BBX: variants seen among roughly 807,000 people sequenced by gnomAD.
BBX encodes the protein BBX high mobility group box domain containing, also known as HMG box transcription factor BBX.
BBX carries 30 observed loss-of-function variants against 100.2 expected under a neutral mutation model. That is an observed-to-expected ratio of 0.30 (90% CI 0.22 to 0.41). The LOEUF (loss-of-function observed/expected upper bound fraction) is 0.41. Among genes scored for constraint, BBX ranks in the 10% least tolerant of loss-of-function variants. The pLI, the probability that BBX is intolerant of heterozygous loss-of-function variation, is 1.00. For missense variants in BBX, 1,023 were observed against 1,129.8 expected, an observed-to-expected ratio of 0.91 and a Z score of 1.35; for synonymous variants, 376 against 388.1, an observed-to-expected ratio of 0.97 and a Z score of 0.37.
chr3:107,609,093 C>G (rs981408418), intron 2 of BBX, among the ~76,000 whole-genome samples: 4 of 152,052 alleles, frequency 2.6e-5, no homozygotes, highest in African/African-American at 9.7e-5. Context: ...TTCCAGTACT[C>G]TTAACGGTGG....
intron 2 of BBX, among the ~76,000 whole-genome samples, chr3:107,547,640 G>A (rs1008232699): frequency 3.9e-5 from 6 of 151,988 alleles, no homozygotes; most frequent in South Asian, 2.1e-4. Context: ...TGGTGTACCC[G>A]GCACTCTTCT....
At chr3:107,661,388 CACATT>C (rs936029295) in intron 3 of BBX, among the ~76,000 whole-genome samples, 1 of 152,116 alleles carries the variant, frequency 6.6e-6, no homozygotes, top group African/African-American at 2.4e-5. Flanking sequence ...TTGGGCAAGT[CACATT>C]ACCTCTCTGA....
At chr3:107,696,777 A>T (rs1415387719) in intron 3 of BBX, among the ~76,000 whole-genome samples, 25 of 151,316 alleles carry the variant, frequency 1.7e-4, no homozygotes, top group African/African-American at 4.9e-4. Context: ...CTCCTGGATA[A>T]TATCCTGCAG....
chr3:107,627,268 T>G (rs2056247970), intron 2 of BBX, among the ~76,000 whole-genome samples: 1 of 152,202 alleles, frequency 6.6e-6, no homozygotes, highest in Non-Finnish European at 1.5e-5. Flanking sequence ...GTTTGATTAG[T>G]GTGTTTCCTA....
At chr3:107,584,710 A>C in intron 2 of BBX, among the ~76,000 whole-genome samples, 1 of 64,170 alleles carries the variant, frequency 1.6e-5, no homozygotes, top group Non-Finnish European at 2.7e-5. Context: ...TTTTTTTTTG[A>C]GGTGGAGTCT....
chr3:107,756,919 A>G (rs1411099012), intron 10 of BBX, among the ~76,000 whole-genome samples: 1 of 152,222 alleles, frequency 6.6e-6, no homozygotes, highest in African/African-American at 2.4e-5. Flanking sequence ...TTAGAGTTAG[A>G]GTTGTAAACA....
At chr3:107,597,357 A>G (rs1040389325) in intron 2 of BBX, among the ~76,000 whole-genome samples, 1 of 152,194 alleles carries the variant, frequency 6.6e-6, no homozygotes, top group Non-Finnish European at 1.5e-5. Context: ...TTGTTTTTAA[A>G]AAGTATCATT....
At chr3:107,691,512 TATTAA>T (rs951470754) in intron 3 of BBX, among the ~76,000 whole-genome samples, 3 of 152,200 alleles carry the variant, frequency 2.0e-5, no homozygotes, top group Non-Finnish European at 4.4e-5. Flanking sequence ...GTATCATATA[TATTAA>T]ATCAGGAAAA....
intron 2 of BBX, among the ~76,000 whole-genome samples, chr3:107,632,663 C>T (rs965056908): frequency 1.3e-5 from 2 of 152,114 alleles, no homozygotes; most frequent in African/African-American, 4.8e-5. Context: ...TGTCCCCTGG[C>T]AGGAGAAAAA....
chr3:107,783,356 T>C (rs767436999), intron 13 of BBX, among the ~76,000 whole-genome samples: 7 of 152,130 alleles, frequency 4.6e-5, no homozygotes, highest in African/African-American at 9.7e-5. Context: ...AGCTCTTCTG[T>C]GTACAAAACT....
chr3:107,770,090 T>A (rs1360035701), intron 10 of BBX, among the ~76,000 whole-genome samples: 1 of 152,128 alleles, frequency 6.6e-6, no homozygotes, highest in Non-Finnish European at 1.5e-5. Context: ...ACACAAGAAA[T>A]ATTGTGCTAT....
chr3:107,770,447 G>A (rs868593929), intron 10 of BBX, among the ~76,000 whole-genome samples: 1 of 152,100 alleles, frequency 6.6e-6, no homozygotes, highest in African/African-American at 2.4e-5. Flanking sequence ...AGTTATTCAC[G>A]AAGGGCTATA....
intron 2 of BBX, 127 bp from the exon 3 acceptor site, chr3:107,645,709 G>A (rs1346921375): frequency 6.6e-6 from 1 of 152,466 alleles, no homozygotes; most frequent in Non-Finnish European, 1.5e-5. Context: ...TTTGCCTCAT[G>A]TTGATTGTTT....
intron 7 of BBX, 60 bp downstream of exon 7, chr3:107,733,083 A>G (rs1057208138): frequency 9.6e-6 from 14 of 1,460,782 alleles, no homozygotes; most frequent in Non-Finnish European, 1.3e-5. Context: ...ACACAGTTAT[A>G]GTCTGTTTAC....
intron 10 of BBX, 41 bp downstream of exon 10, chr3:107,755,719 T>G: frequency 6.6e-7 from 1 of 1,512,508 alleles, no homozygotes. Flanking sequence ...TCTGCAGAGG[T>G]GGAAATTACA....
intron 4 of BBX, among the ~76,000 whole-genome samples, chr3:107,713,044 G>T (rs555529262): frequency 4.2e-4 from 64 of 152,170 alleles, no homozygotes; most frequent in Non-Finnish European, 8.1e-4. Flanking sequence ...AATTCAGCCT[G>T]CCCAGCACTG....
chr3:107,620,646 C>A (rs1276135313), intron 2 of BBX, among the ~76,000 whole-genome samples: 1 of 152,150 alleles, frequency 6.6e-6, no homozygotes, highest in Admixed American at 6.5e-5. Context: ...TTTTTCATTC[C>A]TGCTGGGCAG....
intron 2 of BBX, among the ~76,000 whole-genome samples, chr3:107,619,053 A>G (rs1000043660): frequency 2.6e-5 from 4 of 152,020 alleles, no homozygotes; most frequent in Admixed American, 2.0e-4. Flanking sequence ...TTTTTACTCT[A>G]TATATTTTGT....
chr3:107,629,245 A>G (rs1225969800), intron 2 of BBX, among the ~76,000 whole-genome samples: 1 of 152,214 alleles, frequency 6.6e-6, no homozygotes, highest in Non-Finnish European at 1.5e-5. Context: ...GCTACTGAGG[A>G]GGAAACAAAA....
Sources: gnomAD v4.1 joint callset for allele counts (sites outside exome capture counted in the v4.1 genomes callset) on GRCh38, gnomAD v4.1.1 for gene constraint, MANE v1.5 for transcripts, NCBI Gene and HGNC (gene_info 2026-07-23, HGNC 2026-07-21) for gene names.